GPM6A: variants seen among roughly 807,000 people sequenced by gnomAD.
GPM6A encodes glycoprotein M6A.
Under a neutral mutation model 32.1 loss-of-function variants are expected in GPM6A, and 7 were observed. The observed-to-expected ratio is 0.22, with a 90% CI of 0.12 to 0.41. The LOEUF is 0.41. GPM6A is among the 10% of genes least tolerant of loss of function. GPM6A has a pLI of 1.00. For missense variants in GPM6A, 235 were observed against 347.2 expected, an observed-to-expected ratio of 0.68 and a Z score of 2.57; for synonymous variants, 130 against 123.4, an observed-to-expected ratio of 1.05 and a Z score of -0.35.
chr4:175,645,212 T>A (rs1404003482), intron 4 of GPM6A, among the ~76,000 whole-genome samples: 1 of 152,170 alleles, frequency 6.6e-6, no homozygotes, highest in East Asian at 1.9e-4. Flanking sequence ...AGTAACGGGC[T>A]TCTTTAGTAC....
chr4:175,922,541 C>T (rs72704532), intron 1 of GPM6A, among the ~76,000 whole-genome samples: 3,540 of 152,248 alleles, frequency 0.023, 70 homozygotes, highest in African/African-American at 0.045. Context: ...CTTACCTCTG[C>T]TCTGAAACTC....
intron 1 of GPM6A, among the ~76,000 whole-genome samples, chr4:175,937,580 A>C (rs975844720): frequency 4.6e-5 from 7 of 152,176 alleles, no homozygotes; most frequent in African/African-American, 1.7e-4. Context: ...GAACAAGTCA[A>C]TGAATAAATA....
At chr4:175,871,377 G>A (rs1208673455) in intron 1 of GPM6A, among the ~76,000 whole-genome samples, 1 of 152,048 alleles carries the variant, frequency 6.6e-6, no homozygotes, top group Non-Finnish European at 1.5e-5. Flanking sequence ...AGCTGAGGCA[G>A]GAGAATCACT....
intron 1 of GPM6A, among the ~76,000 whole-genome samples, chr4:175,808,105 T>C (rs932546789): frequency 6.6e-6 from 1 of 152,110 alleles, no homozygotes; most frequent in African/African-American, 2.4e-5. Context: ...TTGATTATAG[T>C]GGTGTCTCTT....
chr4:175,989,431 C>T (rs1460631825), intron 1 of GPM6A, among the ~76,000 whole-genome samples: 2 of 151,966 alleles, frequency 1.3e-5, no homozygotes, highest in Non-Finnish European at 2.9e-5. Flanking sequence ...GACCTACAGA[C>T]AATAATGTGA....
intron 1 of GPM6A, among the ~76,000 whole-genome samples, chr4:175,878,685 G>A (rs74436274): frequency 2.6e-5 from 4 of 152,004 alleles, no homozygotes; most frequent in African/African-American, 4.8e-5. Flanking sequence ...TGCCTTGAAG[G>A]TTTCTGACAT....
At chr4:175,753,296 G>C (rs963375070) in intron 1 of GPM6A, among the ~76,000 whole-genome samples, 1 of 151,972 alleles carries the variant, frequency 6.6e-6, no homozygotes, top group African/African-American at 2.4e-5. Context: ...TCAAAATGAT[G>C]AGAAAGCTGT....
At chr4:175,948,243 G>A (rs1739677836) in intron 1 of GPM6A, among the ~76,000 whole-genome samples, 3 of 152,144 alleles carry the variant, frequency 2.0e-5, no homozygotes, top group Admixed American at 2.0e-4. Flanking sequence ...TCAAAGTGAT[G>A]GTATTAAGAG....
intron 1 of GPM6A, among the ~76,000 whole-genome samples, chr4:175,893,593 C>G (rs1737710390): frequency 6.6e-6 from 1 of 152,124 alleles, no homozygotes; most frequent in African/African-American, 2.4e-5. Context: ...ATGGGGTCCT[C>G]CTTTCTTTCC....
At position 175,812,214 on chromosome 4, in the gene GPM6A, A is replaced by G. The variant is rs774528465; in HGVS notation, c.14T>C (p.Met5Thr). 43 of 1,569,650 alleles carry G rather than the reference A, an allele frequency of 2.7e-5. No homozygotes were observed. In the South Asian group the frequency reaches 3.7e-4, roughly 14 times the overall value. The part of the protein sequence containing the change: MEEN[M>T]EEGQTQKGCF... Reference sequence around the variant, plus strand: ...ACCTTTTTGTGTCTGTCCCTCTTCCATATTCTCTTCCATGGCTACCTTTCT... The same window carrying G: ...ACCTTTTTGTGTCTGTCCCTCTTCCGTATTCTCTTCCATGGCTACCTTTCT... The change falls in exon 1 of 7, where the codon ATG becomes ACG. Residue 5 changes from methionine (M) to threonine (T), a missense_variant. Met to Thr is a moderately conservative substitution (Grantham distance 81, BLOSUM62 -1). Coordinates refer to ENST00000393658, the MANE Select transcript of GPM6A (RefSeq NM_201591.3).
intron 1 of GPM6A, among the ~76,000 whole-genome samples, chr4:175,844,402 C>T (rs1343933662): frequency 6.6e-6 from 1 of 152,158 alleles, no homozygotes; most frequent in East Asian, 1.9e-4. Flanking sequence ...TCTCTGTCAA[C>T]AATACATTTA....
chr4:175,984,644 T>C (rs139179309), intron 1 of GPM6A, among the ~76,000 whole-genome samples: 43 of 152,340 alleles, frequency 2.8e-4, no homozygotes, highest in African/African-American at 1.0e-3. Context: ...TTTTTATTAC[T>C]ACTTTTCCTC....
At chr4:175,749,212 G>A (rs200915438) in intron 1 of GPM6A, among the ~76,000 whole-genome samples, 39 of 74,466 alleles carry the variant, frequency 5.2e-4, no homozygotes, top group Non-Finnish European at 9.9e-4. Flanking sequence ...CCAAAAAAAA[G>A]GTAATGGCAA....
intron 1 of GPM6A, among the ~76,000 whole-genome samples, chr4:175,788,611 C>G (rs776181662): frequency 2.6e-5 from 4 of 152,050 alleles, no homozygotes; most frequent in South Asian, 4.2e-4. Flanking sequence ...ATAAACTAAA[C>G]TGAAACTAGA....
At chr4:175,675,726 C>T (rs1176968108) in intron 2 of GPM6A, among the ~76,000 whole-genome samples, 10 of 152,066 alleles carry the variant, frequency 6.6e-5, no homozygotes, top group African/African-American at 1.4e-4. Flanking sequence ...CATGGCTCAC[C>T]GCAGCCTCAA....
intron 3 of GPM6A, among the ~76,000 whole-genome samples, chr4:175,661,696 T>G (rs1742429225): frequency 1.3e-5 from 2 of 152,180 alleles, no homozygotes; most frequent in South Asian, 4.1e-4. Context: ...TTCATATCAT[T>G]GTCCTGGGAT....
chr4:175,879,398 A>T (rs929047374), intron 1 of GPM6A, among the ~76,000 whole-genome samples: 1 of 152,202 alleles, frequency 6.6e-6, no homozygotes, highest in Non-Finnish European at 1.5e-5. Flanking sequence ...AATAACAGAC[A>T]TGTAATTGAC....
chr4:175,711,239 T>C (rs1745509113), intron 1 of GPM6A, among the ~76,000 whole-genome samples: 1 of 151,394 alleles, frequency 6.6e-6, no homozygotes, highest in African/African-American at 2.4e-5. Context: ...TAATCTACCA[T>C]ACTACTGGTA....
intron 1 of GPM6A, among the ~76,000 whole-genome samples, chr4:175,976,157 C>CT (rs1355808343): frequency 0.012 from 1,664 of 135,710 alleles, 16 homozygotes; most frequent in South Asian, 0.038. Flanking sequence ...AATATGTCGT[C>CT]TTTTTTTTTT....
Sources: allele counts gnomAD v4.1 joint callset (sites outside exome capture counted in the v4.1 genomes callset), GRCh38; gene constraint gnomAD v4.1.1; transcripts MANE v1.5; gene names NCBI Gene and HGNC (gene_info 2026-07-23, HGNC 2026-07-21).